PPP1R1C: variants seen among roughly 807,000 people sequenced by gnomAD.
The protein encoded by PPP1R1C is protein phosphatase 1 regulatory inhibitor subunit 1C, also known as protein phosphatase 1 regulatory subunit 1C.
In PPP1R1C, 15 loss-of-function variants were observed where a neutral mutation model predicts 17.4. The ratio of observed to expected loss-of-function variants is 0.86; its 90% CI spans 0.58 to 1.33. The LOEUF is 1.33. Ranked by LOEUF, PPP1R1C falls within the 40% of genes most tolerant of loss-of-function variation. The pLI is 0.00. For synonymous variants in PPP1R1C, 35 were observed against 43.1 expected, an observed-to-expected ratio of 0.81 and a Z score of 0.73; for missense variants, 143 against 130.0, an observed-to-expected ratio of 1.10 and a Z score of -0.48.
At chr2:182,071,615 C>A (rs912952537) in intron 4 of PPP1R1C, among the ~76,000 whole-genome samples, 4 of 152,178 alleles carry the variant, frequency 2.6e-5, no homozygotes, top group Non-Finnish European at 5.9e-5. Context: ...GGAAGCTGCA[C>A]TCTACTTCCT....
In PPP1R1C at chr2:182,117,350, T is replaced by C; in HGVS notation, c.*55T>C. 1 of 1,284,974 alleles carries C rather than the reference T, an allele frequency of 7.8e-7. No individual in the cohort carries two copies. 79.6% of individuals were successfully genotyped at this position (1,284,974 alleles called of 1,614,324 possible). On this transcript the variant is annotated 3_prime_UTR_variant, in exon 5 of 5. Coordinates refer to ENST00000682840, the MANE Select transcript of PPP1R1C (RefSeq NM_001080545.3). ...GAAATAACTGAACTATTAACTTTTCTGAGTATACCATGGAATTCCACTGCT... is the reference window on the plus strand; with the variant it reads ...GAAATAACTGAACTATTAACTTTTCCGAGTATACCATGGAATTCCACTGCT...
intron 4 of PPP1R1C, among the ~76,000 whole-genome samples, chr2:182,090,097 G>C (rs1688738641): frequency 6.6e-6 from 1 of 151,802 alleles, no homozygotes; most frequent in African/African-American, 2.4e-5. Flanking sequence ...TTTTCCTTTA[G>C]TATACGTTCT....
chr2:182,049,143 G>A (rs1285431941), intron 2 of PPP1R1C, among the ~76,000 whole-genome samples: 1 of 151,956 alleles, frequency 6.6e-6, no homozygotes, highest in Non-Finnish European at 1.5e-5. Context: ...CACCAATCTG[G>A]CCAACATGGT....
chr2:182,119,089 G>A (rs2125239069), downstream of PPP1R1C, among the ~76,000 whole-genome samples: 1 of 151,672 alleles, frequency 6.6e-6, no homozygotes. Context: ...GGTGTGTGAT[G>A]TTCCCCTTCC....
At chr2:182,000,293 T>G (rs1685724421) in intron 2 of PPP1R1C, among the ~76,000 whole-genome samples, 1 of 152,140 alleles carries the variant, frequency 6.6e-6, no homozygotes, top group Admixed American at 6.6e-5. Context: ...ACTTATGGGA[T>G]AGAAACGGGG....
intron 4 of PPP1R1C, among the ~76,000 whole-genome samples, chr2:182,088,640 G>A (rs983997814): frequency 2.0e-5 from 3 of 152,122 alleles, no homozygotes; most frequent in East Asian, 1.9e-4. Flanking sequence ...CAAGGCTAAT[G>A]GGGGGTTTGG....
downstream of PPP1R1C, chr2:182,130,162 C>T (rs1247620882): frequency 6.6e-6 from 1 of 152,040 alleles, no homozygotes; most frequent in Non-Finnish European, 1.5e-5. Context: ...TTCTTGATTT[C>T]TCATAAGTTG....
At chr2:182,103,823 G>GT (rs1689171579) in intron 4 of PPP1R1C, 1 of 152,204 alleles carries the variant, frequency 6.6e-6, no homozygotes, top group Admixed American at 6.5e-5. Flanking sequence ...CTTCCACAGA[G>GT]TAAGTAGAAG....
At chr2:182,023,594 G>A (rs1181460069) in intron 2 of PPP1R1C, among the ~76,000 whole-genome samples, 3 of 152,082 alleles carry the variant, frequency 2.0e-5, no homozygotes, top group Admixed American at 2.0e-4. Flanking sequence ...CTTGCCTAGT[G>A]TGCTTAAGAT....
intron 2 of PPP1R1C, among the ~76,000 whole-genome samples, chr2:182,047,559 A>G (rs569199599): frequency 1.3e-5 from 2 of 152,324 alleles, no homozygotes; most frequent in East Asian, 1.9e-4. Flanking sequence ...CATTAAGTGA[A>G]CCAACTTATT....
intron 1 of PPP1R1C, among the ~76,000 whole-genome samples, chr2:181,959,215 T>G (rs928670785): frequency 6.6e-5 from 10 of 152,218 alleles, no homozygotes; most frequent in African/African-American, 2.4e-4. Flanking sequence ...ATTGAAAACC[T>G]ACGATTAAGA....
intron 2 of PPP1R1C, among the ~76,000 whole-genome samples, chr2:181,988,780 CTT>C (rs920930278): frequency 6.6e-6 from 1 of 152,234 alleles, no homozygotes; most frequent in Non-Finnish European, 1.5e-5. Flanking sequence ...TTTTCAGACT[CTT>C]TTCTAATTAG....
rs1685287421 is a variant in PPP1R1C, at chr2:181,986,052, A to C, written c.-59A>C. ...GTGTCTGAGGAAACACATCCCGGACACCACTTAGGGTTAGTCTTTCTGAGC... is the reference window on the plus strand; with the variant it reads ...GTGTCTGAGGAAACACATCCCGGACCCCACTTAGGGTTAGTCTTTCTGAGC... On this transcript the variant is annotated 5_prime_UTR_variant, in exon 1 of 5. Transcript: ENST00000682840. The C allele has an allele frequency of 7.5e-7, 1 of 1,329,426 alleles. No individual in the cohort carries two copies. Among genetic ancestry groups the C allele is most frequent in the Non-Finnish European group, 1.1e-6 (1 of 921,130 alleles). The allele number at this position is 1,329,426 out of a possible 1,614,324, so 82.4% of individuals were successfully genotyped here.
At chr2:182,015,748 G>T (rs1412347880) in intron 2 of PPP1R1C, among the ~76,000 whole-genome samples, 1 of 152,106 alleles carries the variant, frequency 6.6e-6, no homozygotes, top group African/African-American at 2.4e-5. Context: ...GGCTCTGCTT[G>T]GTGCCCTGTT....
chr2:182,129,071 G>C, exon 6 of PPP1R1C: 1 of 152,190 alleles, frequency 6.6e-6, no homozygotes, highest in Non-Finnish European at 1.5e-5. Context: ...CACCACCTCC[G>C]ATTCCATCAT....
intron 1 of PPP1R1C, among the ~76,000 whole-genome samples, chr2:181,971,729 G>T (rs748657972): frequency 6.6e-6 from 1 of 152,188 alleles, no homozygotes; most frequent in Non-Finnish European, 1.5e-5. Flanking sequence ...AGGCTTGGTA[G>T]AACTCAGGTT....
intron 2 of PPP1R1C, among the ~76,000 whole-genome samples, chr2:182,056,480 CTG>C (rs1322824621): frequency 2.6e-5 from 4 of 152,196 alleles, no homozygotes; most frequent in Non-Finnish European, 5.9e-5. Context: ...ATTTACAAGA[CTG>C]TTTTTATTGG....
At chr2:181,986,282 A>G in intron 1 of PPP1R1C, 91 bp downstream of exon 1, 1 of 1,058,478 alleles carries the variant, frequency 9.4e-7, no homozygotes. Context: ...TTACCTTTTG[A>G]TTTTGCTAAC....
At chr2:182,020,068 A>G (rs913363296) in intron 2 of PPP1R1C, among the ~76,000 whole-genome samples, 25 of 152,246 alleles carry the variant, frequency 1.6e-4, no homozygotes, top group Non-Finnish European at 1.0e-4. Flanking sequence ...TTGAAGCCTC[A>G]TTAGAGACAT....
Sources: gnomAD v4.1 joint callset for allele counts (sites outside exome capture counted in the v4.1 genomes callset) on GRCh38, gnomAD v4.1.1 for gene constraint, MANE v1.5 for transcripts, NCBI Gene and HGNC (gene_info 2026-07-23, HGNC 2026-07-21) for gene names.